CEP350: variants seen among roughly 807,000 people sequenced by gnomAD.
The protein encoded by CEP350 is centrosome-associated protein 350.
CEP350 carries 126 observed loss-of-function variants against 331.8 expected under a neutral mutation model. That is an observed-to-expected ratio of 0.38 (90% confidence interval 0.33 to 0.44). CEP350 has a LOEUF of 0.44. Ranked by LOEUF, CEP350 falls within the 20% of genes least tolerant of loss-of-function variation. The pLI, the probability that CEP350 is intolerant of heterozygous loss-of-function variation, is 1.00. For missense variants in CEP350, 3,406 were observed against 3,634.6 expected, an observed-to-expected ratio of 0.94 and a Z score of 1.62; for synonymous variants, 1,200 against 1,259.5, an observed-to-expected ratio of 0.95 and a Z score of 1.00.
intron 1 of CEP350, among the ~76,000 whole-genome samples, chr1:179,972,157 G>A (rs1440179469): frequency 2.6e-5 from 4 of 152,164 alleles, no homozygotes; most frequent in Non-Finnish European, 4.4e-5. Flanking sequence ...TAAATAAGCA[G>A]TTTGATATGT....
intron 27 of CEP350, among the ~76,000 whole-genome samples, chr1:180,067,742 C>T (rs989565161): frequency 6.6e-6 from 1 of 152,068 alleles, no homozygotes; most frequent in African/African-American, 2.4e-5. Context: ...ATTGGTGGTG[C>T]ATAGGAAAGG....
intron 27 of CEP350, among the ~76,000 whole-genome samples, chr1:180,070,480 A>G (rs577195881): frequency 1.3e-5 from 2 of 152,286 alleles, no homozygotes; most frequent in South Asian, 4.1e-4. Context: ...CAACGGAGAA[A>G]GAGTCATAAA....
intron 8 of CEP350, among the ~76,000 whole-genome samples, chr1:180,008,803 A>T (rs1467360569): frequency 6.6e-6 from 1 of 152,184 alleles, no homozygotes; most frequent in African/African-American, 2.4e-5. Context: ...ACAAGATGTT[A>T]TGAGACCACC....
intron 17 of CEP350, among the ~76,000 whole-genome samples, chr1:180,039,074 A>G (rs923828728): frequency 7.6e-6 from 1 of 131,176 alleles, no homozygotes; most frequent in Admixed American, 8.3e-5. Context: ...AAAATTAGCC[A>G]TCCACCGTGG....
rs760736661 is a variant in CEP350, at chr1:180,094,203, T to C, written c.8098T>C (p.Phe2700Leu). 10 of 1,613,318 alleles carry C rather than the reference T, an allele frequency of 6.2e-6. No homozygotes were observed. The highest frequency in any genetic ancestry group is 7.6e-6 in the Non-Finnish European group (9 of 1,179,552). Reference sequence around the variant, plus strand: ...CGAAGAATTGGAGAAGCAACAGCAGTTTACAGAAGAGGAAGACAACCTATA... The same window carrying C: ...CGAAGAATTGGAGAAGCAACAGCAGCTTACAGAAGAGGAAGACAACCTATA... ...FSEELEKQQQ[F>L]TEEEDNLYAE... is the part of the protein sequence containing the mutation. The change falls in exon 34 of 38, where the codon TTT (phenylalanine) becomes CTT (leucine). Residue 2700 changes from phenylalanine (F) to leucine (L), a missense_variant. This residue lies in a region of CEP350 where 1,415 missense variants were observed against 1,512.3 expected (regional missense o/e 0.94). Transcript: ENST00000367607.
chr1:180,093,627 G>A lies in CEP350; in HGVS notation c.7522G>A (p.Val2508Ile). 1 of 1,613,956 alleles carries A rather than the reference G, an allele frequency of 6.2e-7. No individual in the cohort carries two copies. Among genetic ancestry groups the A allele is most frequent in the Non-Finnish European group, 8.5e-7 (1 of 1,179,866 alleles). Residue 2508 changes from valine (V) to isoleucine (I), a missense_variant, in exon 34 of 38, where the codon GTT becomes ATT. Physicochemically the swap from Val to Ile is conservative, Grantham distance 29. Transcript: ENST00000367607. Reference protein sequence around the residue: ...HIGDRVLIGNVQPGILRFKGE... With the variant: ...HIGDRVLIGNIQPGILRFKGE... The stretch of plus-strand genomic sequence containing the variant: ...TGGTGATAGGGTGTTGATTGGAAAT[G>A]TTCAGCCAGGAATTCTTCGATTCAA...
intron 6 of CEP350, among the ~76,000 whole-genome samples, chr1:179,997,521 G>A (rs1653544506): frequency 6.7e-6 from 1 of 149,882 alleles, no homozygotes; most frequent in African/African-American, 2.5e-5. Context: ...CCAGCATGGG[G>A]CGACAGAGTG....
At chr1:180,073,659 C>A (rs939172879) in intron 27 of CEP350, 2 of 365,304 alleles carry the variant, frequency 5.5e-6, no homozygotes, top group Non-Finnish European at 7.6e-6. Flanking sequence ...CCTGCTTTAA[C>A]TGAGTCACTT....
rs1054032764 is a variant in CEP350 at position 180,044,093 on chromosome 1, C to A, written c.4542C>A (p.Thr1514=). The A allele has an allele frequency of 6.4e-6, 10 of 1,557,442 alleles. No homozygotes were observed. The highest frequency in any genetic ancestry group is 8.7e-6 in the Non-Finnish European group (10 of 1,149,742). ...CACTCTCTCAGAGTAAAGAAGGGAC[C>A]CTTGACTCAAAGCATCAGAAGTATT... The part of the protein sequence containing the change: ...SVSLSQSKEG[T]LDSKHQKYSA... The change falls in exon 21 of 38, where the codon ACC becomes ACA. Residue 1514 remains threonine (T), a synonymous_variant. Coordinates refer to ENST00000367607, the MANE Select transcript of CEP350 (RefSeq NM_014810.5).
At chr1:180,000,518 C>A in intron 6 of CEP350, 1 of 154,874 alleles carries the variant, frequency 6.5e-6, no homozygotes, top group South Asian at 2.0e-4. Flanking sequence ...TTTTTTCTCT[C>A]ATACAGGCCA....
intron 19 of CEP350, among the ~76,000 whole-genome samples, chr1:180,042,211 C>T (rs995221712): frequency 1.3e-5 from 2 of 151,384 alleles, no homozygotes; most frequent in East Asian, 1.9e-4. Context: ...AGCATATTTC[C>T]TCATGTCTCT....
chr1:180,046,419 T>G (rs1047284234), intron 21 of CEP350, among the ~76,000 whole-genome samples: 2 of 152,232 alleles, frequency 1.3e-5, no homozygotes, highest in Non-Finnish European at 2.9e-5. Flanking sequence ...ATCACTACTT[T>G]GTTTATATGG....
At chr1:179,966,114 T>A (rs1163945723) in intron 1 of CEP350, among the ~76,000 whole-genome samples, 2 of 152,216 alleles carry the variant, frequency 1.3e-5, no homozygotes, top group Non-Finnish European at 1.5e-5. Context: ...AGGATAACTT[T>A]CTTTTCACCT....
chr1:180,103,744 A>G (rs1295274179), intron 37 of CEP350, among the ~76,000 whole-genome samples: 1 of 151,864 alleles, frequency 6.6e-6, no homozygotes, highest in Non-Finnish European at 1.5e-5. Context: ...AGCTTTCCCA[A>G]TTCTCTATGG....
chr1:180,052,350 G>A, intron 22 of CEP350: 1 of 367,986 alleles, frequency 2.7e-6, no homozygotes, highest in South Asian at 2.1e-5. Flanking sequence ...CTAGATTGTG[G>A]TTTCTAAATA....
chr1:180,092,734 GATC>G lies in CEP350; in HGVS notation c.6634_6636del (p.Ser2212del), dbSNP rs765840535. ...TTTCAGACCCCATCTCCAGTTCTCAGATCATCAAGGAAAATCAGAGAAGAATCT... is the reference window on the plus strand; with the variant it reads ...TTTCAGACCCCATCTCCAGTTCTCAGATCAAGGAAAATCAGAGAAGAATCT... On this transcript the variant is annotated inframe_deletion, in exon 34 of 38. Transcript: ENST00000367607. The G allele has an allele frequency of 1.9e-6, 3 of 1,607,186 alleles. No individual in the cohort carries two copies. The highest frequency in any genetic ancestry group is 4.5e-5 in the East Asian group (2 of 44,742).
chr1:179,995,014 CAT>C (rs1316532408), intron 5 of CEP350, among the ~76,000 whole-genome samples: 4 of 152,168 alleles, frequency 2.6e-5, no homozygotes, highest in Non-Finnish European at 5.9e-5. Context: ...GTGAGCCACA[CAT>C]GTAATTTCAA....
chr1:179,993,267 G>T (rs1653223751), intron 5 of CEP350, among the ~76,000 whole-genome samples: 1 of 151,846 alleles, frequency 6.6e-6, no homozygotes. Context: ...GTTTGAAGAA[G>T]AATAATCGAA....
chr1:180,024,988 GA>G (rs1655574541), intron 14 of CEP350, among the ~76,000 whole-genome samples: 1 of 150,804 alleles, frequency 6.6e-6, no homozygotes, highest in Non-Finnish European at 1.5e-5. Context: ...GCAGTGGCGT[GA>G]TCTTGGCTCA....
Sources: allele counts gnomAD v4.1 joint callset (sites outside exome capture counted in the v4.1 genomes callset), GRCh38; gene constraint gnomAD v4.1.1; regional missense constraint gnomAD v4.1.1; transcripts MANE v1.5; gene names NCBI Gene and HGNC (gene_info 2026-07-23, HGNC 2026-07-21).